The following TAOK1 variants were observed in gnomAD, a reference collection of about 807,000 sequenced individuals.
TAOK1 encodes serine/threonine-protein kinase TAO1.
TAOK1 carries 21 observed loss-of-function variants against 138.3 expected under a neutral mutation model. The observed-to-expected ratio is 0.15, with a 90% CI of 0.11 to 0.22. TAOK1 has a LOEUF of 0.22. TAOK1 is among the 10% of genes least tolerant of loss of function. TAOK1 has a pLI of 1.00. For synonymous variants in TAOK1, 361 were observed against 398.4 expected, an observed-to-expected ratio of 0.91 and a Z score of 1.12; for missense variants, 651 against 1,227.7, an observed-to-expected ratio of 0.53 and a Z score of 7.02.
In TAOK1 at chr17:29,491,813, C is replaced by A. The variant is rs1257018879; in HGVS notation, c.779C>A (p.Ser260Tyr). 1.2e-6 allele frequency: 2 copies of A among 1,613,662 alleles called. No individual in the cohort carries two copies. Among genetic ancestry groups the A allele is most frequent in the African/African-American group, 1.3e-5 (1 of 74,896 alleles). ...GATTATTTTCGCAACTTTGTAGATT[C>A]TTGCCTCCAGAAAATCCCTCAAGAT... Reference protein sequence around the residue: ...WSDYFRNFVDSCLQKIPQDRP... With the variant: ...WSDYFRNFVDYCLQKIPQDRP... Residue 260 changes from serine to tyrosine, a missense_variant, in exon 10 of 20, where the codon TCT becomes TAT. Coordinates refer to ENST00000261716, the MANE Select transcript of TAOK1 (RefSeq NM_020791.4).
At position 29,550,039 on chromosome 17, in the gene TAOK1, T is replaced by C. The variant is rs759674572; in HGVS notation, c.*7017T>C. 1 of 152,128 alleles carries C rather than the reference T, an allele frequency of 6.6e-6. No individual in the cohort carries two copies. The highest frequency in any genetic ancestry group is 2.4e-5 in the African/African-American group (1 of 41,434). The allele number at this position is 152,128 out of a possible 1,614,324, so 9.4% of individuals were successfully genotyped here. A position where few individuals can be genotyped will look rare whatever the true frequency, so the allele number is the denominator to read the frequency against. ...GCCAGTAATTTATCTGAAAAGGTAT[T>C]TTATCACACCTTGACACCTTATATA... On this transcript the variant is annotated 3_prime_UTR_variant, in exon 20 of 20. Transcript: ENST00000261716.
intron 8 of TAOK1, among the ~76,000 whole-genome samples, chr17:29,488,487 G>GGGAGGCTGAGACAGGAGAGAATCA (rs2031223031): frequency 6.6e-6 from 1 of 151,816 alleles, no homozygotes; most frequent in Non-Finnish European, 1.5e-5. Context: ...GGAGAGAATC[G>GGGAGGCTGAGACAGGAGAGAATCA]CTTGAACCCG....
chr17:29,533,007 C>CCGGACGGGGCGGTTGGCT (rs1216697231), intron 18 of TAOK1, among the ~76,000 whole-genome samples: 7 of 103,954 alleles, frequency 6.7e-5, no homozygotes, highest in South Asian at 3.8e-4. Flanking sequence ...CACCTCCAAC[C>CCGGACGGGGCGGTTGGCT]GGGCGGGGGG....
Position 29,551,141 on chromosome 17 carries a change from A to G in TAOK1, c.*8119A>G, listed in dbSNP as rs537941569. On this transcript the variant is annotated 3_prime_UTR_variant, in exon 20 of 20. Transcript: ENST00000261716. ...TTAATTAAGCAAGAGGTTCTTTTCT[A>G]AAAGTGGTATCTGTTATCCACAATG... is the stretch of plus-strand genomic sequence containing the variant. 11 of 152,342 alleles carry G rather than the reference A, an allele frequency of 7.2e-5. No homozygotes were observed. The highest frequency in any genetic ancestry group is 2.6e-4 in the African/African-American group (11 of 41,588). 9.4% of individuals were successfully genotyped at this position (152,342 alleles called of 1,614,324 possible). A position where few individuals can be genotyped will look rare whatever the true frequency, so the allele number is the denominator to read the frequency against.
chr17:29,488,877 G>T (rs2031236347), intron 8 of TAOK1, among the ~76,000 whole-genome samples: 1 of 152,054 alleles, frequency 6.6e-6, no homozygotes, highest in Admixed American at 6.6e-5. Context: ...GAGAAAATCA[G>T]TGCGGATATT....
intron 1 of TAOK1, chr17:29,424,674 C>T (rs1296596557): frequency 1.3e-5 from 2 of 152,056 alleles, no homozygotes; most frequent in African/African-American, 4.8e-5. Flanking sequence ...CAGAAGTTTT[C>T]TTTGTTGACT....
chr17:29,404,530 G>T (rs983501335), intron 1 of TAOK1, among the ~76,000 whole-genome samples: 2 of 152,090 alleles, frequency 1.3e-5, no homozygotes, highest in Admixed American at 6.6e-5. Flanking sequence ...GATATCTTCC[G>T]CCTGTAATCC....
chr17:29,425,614 A>G (rs1335867453), intron 1 of TAOK1, among the ~76,000 whole-genome samples: 2 of 152,110 alleles, frequency 1.3e-5, no homozygotes, highest in Non-Finnish European at 2.9e-5. Flanking sequence ...GGGAGAGCTG[A>G]GATTACACCA....
intron 12 of TAOK1, among the ~76,000 whole-genome samples, chr17:29,500,022 G>A (rs1313347305): frequency 2.6e-5 from 4 of 152,126 alleles, no homozygotes; most frequent in Non-Finnish European, 4.4e-5. Flanking sequence ...ACAATTAACA[G>A]GAATGCTAAG....
chr17:29,425,400 C>G (rs1298723572), intron 1 of TAOK1, among the ~76,000 whole-genome samples: 1 of 152,004 alleles, frequency 6.6e-6, no homozygotes, highest in Non-Finnish European at 1.5e-5. Context: ...AAACTTATAC[C>G]AGGCTTGGTG....
chr17:29,517,213 C>T (rs999025609), intron 15 of TAOK1, among the ~76,000 whole-genome samples: 1 of 152,048 alleles, frequency 6.6e-6, no homozygotes, highest in Admixed American at 6.6e-5. Flanking sequence ...TGGTCTCGAT[C>T]TCCTGACCTC....
intron 1 of TAOK1, among the ~76,000 whole-genome samples, chr17:29,418,838 CA>C (rs1905337537): frequency 6.6e-6 from 1 of 151,784 alleles, no homozygotes. Flanking sequence ...ACTAAGGATA[CA>C]GGGGGCTGAC....
intron 2 of TAOK1, among the ~76,000 whole-genome samples, chr17:29,466,350 G>A (rs998828595): frequency 6.6e-6 from 1 of 152,002 alleles, no homozygotes. Context: ...CACCATGTTG[G>A]CCAGGCTGAT....
chr17:29,447,129 A>G (rs998729577), intron 1 of TAOK1, among the ~76,000 whole-genome samples: 6 of 150,510 alleles, frequency 4.0e-5, no homozygotes, highest in Admixed American at 4.0e-4. Context: ...AGTGCACTAC[A>G]ACCTCACACT....
At chr17:29,506,242 A>G (rs1425280827) in intron 13 of TAOK1, among the ~76,000 whole-genome samples, 1 of 152,258 alleles carries the variant, frequency 6.6e-6, no homozygotes, top group Non-Finnish European at 1.5e-5. Flanking sequence ...GAGTGGATAA[A>G]GAAAATGTAG....
intron 3 of TAOK1, among the ~76,000 whole-genome samples, chr17:29,471,272 CTTTCT>C (rs1221470137): frequency 8.7e-6 from 1 of 115,544 alleles, no homozygotes; most frequent in Non-Finnish European, 1.7e-5. Context: ...AAAATATTTT[CTTTCT>C]TTTTTTTTTT....
chr17:29,404,295 T>C (rs1904931580), intron 1 of TAOK1, among the ~76,000 whole-genome samples: 1 of 152,072 alleles, frequency 6.6e-6, no homozygotes, highest in Non-Finnish European at 1.5e-5. Context: ...CACAAGTAGC[T>C]AGGACTACAG....
chr17:29,539,120 G>A (rs1424229253), intron 19 of TAOK1, among the ~76,000 whole-genome samples: 2 of 152,090 alleles, frequency 1.3e-5, no homozygotes, highest in African/African-American at 4.8e-5. Context: ...AAATTAGTTG[G>A]ATATAGTGGT....
rs760934545 is a variant in TAOK1, at chr17:29,491,841, A to G, written c.807A>G (p.Arg269=). 33 of 1,613,278 alleles carry G rather than the reference A, an allele frequency of 2.0e-5. No individual in the cohort carries two copies. Among genetic ancestry groups the G allele is most frequent in the Non-Finnish European group, 2.7e-5 (32 of 1,179,568 alleles). Residue 269 remains arginine (R), a synonymous_variant, in exon 10 of 20, where the codon CGA becomes CGG. Transcript: ENST00000261716. ...GCCTCCAGAAAATCCCTCAAGATCG[A>G]CCTACATCAGAGGAACTTTTAAAGG... ...DSCLQKIPQD[R]PTSEELLKHI...
Sources: gnomAD v4.1 joint callset for allele counts (sites outside exome capture counted in the v4.1 genomes callset) on GRCh38, gnomAD v4.1.1 for gene constraint, MANE v1.5 for transcripts, NCBI Gene and HGNC (gene_info 2026-07-23, HGNC 2026-07-21) for gene names.